KIAA0825: variants seen among roughly 807,000 people sequenced by gnomAD.
KIAA0825 encodes the protein KIAA0825, also known as uncharacterized protein KIAA0825.
Under a neutral mutation model 147.6 loss-of-function variants are expected in KIAA0825, and 119 were observed. That is an observed-to-expected ratio of 0.81 (90% confidence interval 0.69 to 0.94). The LOEUF (loss-of-function observed/expected upper bound fraction) is 0.94, where lower values mean the gene tolerates loss of function less well. KIAA0825 is among the 40% of genes least tolerant of loss of function. The pLI, the probability that KIAA0825 is intolerant of heterozygous loss-of-function variation, is 0.00. For missense variants in KIAA0825, 1,381 were observed against 1,472.7 expected (o/e 0.94, Z 1.02); for synonymous variants, 470 against 518.1 (o/e 0.91, Z 1.26).
rs140932517 is a variant in KIAA0825, at chr5:94,427,486, T to C, written c.2498-10121A>G. On this transcript the variant is annotated intron_variant, in intron 14 of 20. Coordinates refer to ENST00000682413, the MANE Select transcript of KIAA0825 (RefSeq NM_001145678.3). ...AAGAGTTTGAGGTTGCAGTGAGCCA[T>C]GATTGCACCACTACATTCCAGCCTG... Among the ~76,000 whole-genome samples, 7 of 152,236 alleles carry C rather than the reference T, an allele frequency of 4.6e-5. No individual in the cohort carries two copies. The East Asian group carries it at 1.2e-3, about 25-fold the overall frequency.
In KIAA0825 at chr5:94,316,902, T is replaced by G. The variant is rs542789752; in HGVS notation, c.3710+67466A>C. 2.0e-5 allele frequency among the ~76,000 whole-genome samples: 3 copies of G among 152,000 alleles called. No individual in the cohort carries two copies. The South Asian group carries it at 6.2e-4, about 31-fold the overall frequency. On this transcript the variant is annotated intron_variant, in intron 20 of 20. Coordinates refer to ENST00000682413, the MANE Select transcript of KIAA0825 (RefSeq NM_001145678.3). ...TAAAAGAACCACCAGCAATTGGTTATACATCCTTTCAGACCTCTAATCAAA... is the reference window on the plus strand; with the variant it reads ...TAAAAGAACCACCAGCAATTGGTTAGACATCCTTTCAGACCTCTAATCAAA...
At chr5:94,316,968 T>C (rs562990979) in intron 20 of KIAA0825, among the ~76,000 whole-genome samples, 1 of 151,968 alleles carries the variant, frequency 6.6e-6, no homozygotes, top group African/African-American at 2.4e-5. Context: ...CCTTCCACTT[T>C]ATGACTCCTG....
intron 20 of KIAA0825, among the ~76,000 whole-genome samples, chr5:94,233,562 C>T (rs144298216): frequency 6.6e-6 from 1 of 152,216 alleles, no homozygotes; most frequent in Admixed American, 6.5e-5. Context: ...CTGTATCTTA[C>T]CTTTCCCCAA....
At chr5:94,281,488 G>A (rs1777463317) in intron 20 of KIAA0825, among the ~76,000 whole-genome samples, 1 of 152,070 alleles carries the variant, frequency 6.6e-6, no homozygotes, top group Non-Finnish European at 1.5e-5. Context: ...TGTGGGTGAG[G>A]CCTAAGTGTT....
chr5:94,227,612 G>A (rs1441265495), intron 20 of KIAA0825, among the ~76,000 whole-genome samples: 1 of 151,144 alleles, frequency 6.6e-6, no homozygotes, highest in African/African-American at 2.4e-5. Flanking sequence ...AGAAAATATG[G>A]CGCAAATACA....
At chr5:94,204,448 G>C (rs762134662) in intron 20 of KIAA0825, among the ~76,000 whole-genome samples, 17 of 152,084 alleles carry the variant, frequency 1.1e-4, no homozygotes, top group Non-Finnish European at 2.4e-4. Flanking sequence ...ATCACCATTC[G>C]ATTCTTTGTG....
At chr5:94,361,948 G>C (rs1745122999) in intron 20 of KIAA0825, among the ~76,000 whole-genome samples, 1 of 152,174 alleles carries the variant, frequency 6.6e-6, no homozygotes, top group African/African-American at 2.4e-5. Flanking sequence ...AGTGTGTGCA[G>C]AACAGGCTGC....
At chr5:94,301,032 T>C (rs956443425) in intron 20 of KIAA0825, among the ~76,000 whole-genome samples, 3 of 152,162 alleles carry the variant, frequency 2.0e-5, no homozygotes, top group Non-Finnish European at 4.4e-5. Context: ...AAACACTGAT[T>C]GGCTGGCCCT....
In KIAA0825 at chr5:94,564,971, T is replaced by TTCTTC. The variant is rs557684622; in HGVS notation, c.-2+17457_-2+17461dup. Among the ~76,000 whole-genome samples, 13 of 144,976 alleles carry TTCTTC rather than the reference T, an allele frequency of 9.0e-5. 1 individual carries two copies. Among genetic ancestry groups the TTCTTC allele is most frequent in the South Asian group, 6.7e-4 (3 of 4,470 alleles). On this transcript the variant is annotated intron_variant, in intron 2 of 20. Coordinates refer to ENST00000682413, the MANE Select transcript of KIAA0825 (RefSeq NM_001145678.3). ...CCTTTTCTTTTCTTTTCTTTTCTTTTTCTTCTCTTCTCTTCTCTTCTCCTC... is the reference window on the plus strand; with the variant it reads ...CCTTTTCTTTTCTTTTCTTTTCTTTTTCTTCTCTTCTCTTCTCTTCTCTTCTCCTC...
intron 20 of KIAA0825, among the ~76,000 whole-genome samples, chr5:94,192,361 G>C (rs1464627596): frequency 6.6e-6 from 1 of 152,122 alleles, no homozygotes; most frequent in African/African-American, 2.4e-5. Context: ...TGCCCTGATA[G>C]CCAAGTGATT....
intron 14 of KIAA0825, among the ~76,000 whole-genome samples, chr5:94,428,143 TTGTGTGTGTGTGTGTGTGTGTG>T (rs61572627): frequency 2.2e-4 from 29 of 134,582 alleles, no homozygotes; most frequent in Non-Finnish European, 3.3e-4. Flanking sequence ...TAAGGTCTTG[TTGTGTGTGTGTGTGTGTGTGTG>T]TGTGTGTGTG....
At chr5:94,588,997 A>G (rs1041920557) in intron 1 of KIAA0825, among the ~76,000 whole-genome samples, 2 of 152,168 alleles carry the variant, frequency 1.3e-5, no homozygotes, top group South Asian at 4.1e-4. Flanking sequence ...AGGGAGGGGA[A>G]CATCACACAC....
chr5:94,364,604 A>C (rs1318897179), intron 20 of KIAA0825, among the ~76,000 whole-genome samples: 1 of 151,814 alleles, frequency 6.6e-6, no homozygotes, highest in African/African-American at 2.4e-5. Flanking sequence ...GGATGGTCTC[A>C]ATCTCCTGAC....
At chr5:94,380,141 C>T (rs1374110431) in intron 20 of KIAA0825, among the ~76,000 whole-genome samples, 1 of 152,166 alleles carries the variant, frequency 6.6e-6, no homozygotes, top group Non-Finnish European at 1.5e-5. Flanking sequence ...GCGTGAGCCA[C>T]CGTGCCTGGC....
At chr5:94,370,783 C>G (rs1219114905) in intron 20 of KIAA0825, among the ~76,000 whole-genome samples, 1 of 151,916 alleles carries the variant, frequency 6.6e-6, no homozygotes, top group East Asian at 1.9e-4. Context: ...GTGGTGGGAG[C>G]CTGTAGTCCC....
chr5:94,211,717 C>T (rs1447386161), intron 20 of KIAA0825, among the ~76,000 whole-genome samples: 1 of 152,072 alleles, frequency 6.6e-6, no homozygotes, highest in Non-Finnish European at 1.5e-5. Context: ...GTGTATTTTG[C>T]CCTTTTTTTG....
intron 20 of KIAA0825, among the ~76,000 whole-genome samples, chr5:94,252,433 G>A (rs1378342448): frequency 6.6e-6 from 1 of 151,612 alleles, no homozygotes; most frequent in Non-Finnish European, 1.5e-5. Flanking sequence ...ATATATACAT[G>A]TACATATATG....
intron 20 of KIAA0825, among the ~76,000 whole-genome samples, chr5:94,287,872 A>T (rs1188947835): frequency 6.6e-6 from 1 of 152,174 alleles, no homozygotes; most frequent in African/African-American, 2.4e-5. Context: ...TGGTGCTCCC[A>T]GGGCTACTAC....
At chr5:94,223,262 A>T (rs1190872067) in intron 20 of KIAA0825, among the ~76,000 whole-genome samples, 1 of 152,236 alleles carries the variant, frequency 6.6e-6, no homozygotes, top group African/African-American at 2.4e-5. Context: ...AAACAGCTAA[A>T]GAGGCACAAT....
Sources: gnomAD v4.1 joint callset for allele counts (sites outside exome capture counted in the v4.1 genomes callset) on GRCh38, gnomAD v4.1.1 for gene constraint, MANE v1.5 for transcripts, NCBI Gene and HGNC (gene_info 2026-07-23, HGNC 2026-07-21) for gene names.